Variants in DPY19L3 observed in about 807,000 individuals in gnomAD.
DPY19L3 encodes the protein dpy-19 like C-mannosyltransferase 3, also known as protein C-mannosyl-transferase DPY19L3.
Under a neutral mutation model 92.3 loss-of-function variants are expected in DPY19L3, and 51 were observed. The observed-to-expected ratio is 0.55, with a 90% CI of 0.44 to 0.70. The LOEUF is 0.70. Among genes scored for constraint, DPY19L3 ranks in the 30% least tolerant of loss-of-function variants. DPY19L3 has a pLI of 0.00. For synonymous variants in DPY19L3, 309 were observed against 315.2 expected, an observed-to-expected ratio of 0.98 and a Z score of 0.21; for missense variants, 706 against 855.9, an observed-to-expected ratio of 0.82 and a Z score of 2.18.
intron 17 of DPY19L3, chr19:32,479,595 C>A: frequency 2.3e-6 from 1 of 436,134 alleles, no homozygotes; most frequent in South Asian, 1.6e-5. Flanking sequence ...GACCCTCAAG[C>A]CCAAATCAGA....
At position 32,411,144 on chromosome 19, in the gene DPY19L3, A is replaced by T. The variant is rs2302772; in HGVS notation, c.104-95A>T. 9 of 1,319,238 alleles carry T rather than the reference A, an allele frequency of 6.8e-6. No homozygotes were observed. In the African/African-American group the frequency reaches 8.8e-5, roughly 13 times the overall value. 81.7% of individuals were successfully genotyped at this position (1,319,238 alleles called of 1,614,324 possible). A position where few individuals can be genotyped will look rare whatever the true frequency, so the allele number is the denominator to read the frequency against. On this transcript the variant is annotated intron_variant, in intron 2 of 18. Coordinates refer to ENST00000392250, the MANE Select transcript of DPY19L3 (RefSeq NM_001172774.2). The stretch of plus-strand genomic sequence containing the variant: ...AGGAAAAGCTTTCCCAGTGACAGGC[A>T]GCTAGACTTAGCTTACTTGATAATC...
At chr19:32,435,625 G>T (rs1487490373) in intron 4 of DPY19L3, among the ~76,000 whole-genome samples, 1 of 152,214 alleles carries the variant, frequency 6.6e-6, no homozygotes, top group Admixed American at 6.5e-5. Context: ...AGAGTGTATT[G>T]TAAAACTTTT....
chr19:32,472,701 T>C (rs952963247), intron 16 of DPY19L3, among the ~76,000 whole-genome samples: 1 of 152,214 alleles, frequency 6.6e-6, no homozygotes, highest in Non-Finnish European at 1.5e-5. Context: ...TCATTTTTCG[T>C]TCCTGAAAAT....
At chr19:32,453,011 T>G in intron 8 of DPY19L3, 134 bp from the exon 9 acceptor site, 2 of 1,079,298 alleles carry the variant, frequency 1.9e-6, no homozygotes, top group Non-Finnish European at 2.7e-6. Flanking sequence ...CTGGCCTAGA[T>G]TGTGTTTCTT....
intron 10 of DPY19L3, among the ~76,000 whole-genome samples, chr19:32,457,653 G>A (rs1969908603): frequency 6.6e-6 from 1 of 152,116 alleles, no homozygotes; most frequent in Non-Finnish European, 1.5e-5. Context: ...AATTGTCTTT[G>A]AGTGAATAAG....
At chr19:32,430,363 C>T (rs938835843) in intron 3 of DPY19L3, among the ~76,000 whole-genome samples, 1 of 151,956 alleles carries the variant, frequency 6.6e-6, no homozygotes, top group East Asian at 1.9e-4. Flanking sequence ...GCCTGGGTGA[C>T]AGAGTGAGAC....
chr19:32,441,299 A>G (rs1037957573), intron 8 of DPY19L3, among the ~76,000 whole-genome samples: 3 of 152,228 alleles, frequency 2.0e-5, no homozygotes, highest in African/African-American at 7.2e-5. Context: ...AAATGATGGC[A>G]TATCTATGCA....
chr19:32,452,852 C>A (rs1969747678), intron 8 of DPY19L3, among the ~76,000 whole-genome samples: 1 of 146,194 alleles, frequency 6.8e-6, no homozygotes, highest in African/African-American at 2.5e-5. Context: ...AGCCACCACG[C>A]CTAGCTAATT....
chr19:32,470,801 T>TG (rs11442714), intron 16 of DPY19L3, among the ~76,000 whole-genome samples: 1 of 150,372 alleles, frequency 6.7e-6, no homozygotes, highest in African/African-American at 2.4e-5. Flanking sequence ...TTTTTTTTTT[T>TG]TTGTAATTCT....
At chr19:32,436,296 G>A in intron 4 of DPY19L3, 150 bp from the exon 5 acceptor site, 1 of 394,752 alleles carries the variant, frequency 2.5e-6, no homozygotes, top group Non-Finnish European at 4.3e-6. Flanking sequence ...TAAGCTCTTT[G>A]AGGGCAGGAG....
intron 16 of DPY19L3, among the ~76,000 whole-genome samples, chr19:32,474,311 T>C (rs1298184267): frequency 1.3e-5 from 2 of 152,226 alleles, no homozygotes; most frequent in Non-Finnish European, 2.9e-5. Flanking sequence ...ATGAGCTTCA[T>C]TCCATTTTTT....
chr19:32,458,352 G>A lies in DPY19L3; in HGVS notation c.1165G>A (p.Asp389Asn), dbSNP rs148643513. ...KAKFGLGATRDFDANLYLCEE... is the reference protein window; with the variant it reads ...KAKFGLGATRNFDANLYLCEE... ...CTTTGCTTTCCATTTGTTCCCTAGG[G>A]ATTTTGATGCAAATCTCTATCTGTG... The change falls in exon 12 of 19, where the codon GAT becomes AAT. Residue 389 changes from aspartate (D) to asparagine (N), a missense_variant and splice_region_variant. Transcript: ENST00000392250. 23 of 1,609,770 alleles carry A rather than the reference G, an allele frequency of 1.4e-5. No homozygotes were observed. The highest frequency in any genetic ancestry group is 2.0e-5 in the Non-Finnish European group (23 of 1,179,066).
At chr19:32,427,069 C>T (rs892857275) in intron 3 of DPY19L3, among the ~76,000 whole-genome samples, 3 of 152,178 alleles carry the variant, frequency 2.0e-5, no homozygotes, top group East Asian at 1.9e-4. Context: ...TCTCGGCTCA[C>T]TGTAGCCTCG....
chr19:32,423,791 G>C (rs868623401), intron 3 of DPY19L3, among the ~76,000 whole-genome samples: 4 of 152,122 alleles, frequency 2.6e-5, no homozygotes, highest in African/African-American at 9.7e-5. Flanking sequence ...AAGGCGGCAG[G>C]ATCGCTTGAG....
At chr19:32,408,651 GTC>G (rs1014154517) in intron 2 of DPY19L3, among the ~76,000 whole-genome samples, 3 of 152,158 alleles carry the variant, frequency 2.0e-5, no homozygotes, top group Admixed American at 6.5e-5. Flanking sequence ...CCAGATTTTA[GTC>G]TCTCTCTAAT....
At chr19:32,437,124 C>G in intron 5 of DPY19L3, 70 bp from the exon 6 acceptor site, 2 of 1,579,290 alleles carry the variant, frequency 1.3e-6, no homozygotes, top group Non-Finnish European at 1.7e-6. Context: ...TTCCTACTGT[C>G]ATGTTTTAAA....
At chr19:32,422,023 T>A (rs1441445085) in intron 3 of DPY19L3, among the ~76,000 whole-genome samples, 1 of 152,222 alleles carries the variant, frequency 6.6e-6, no homozygotes, top group East Asian at 1.9e-4. Context: ...CTTGCTGACC[T>A]GAGCTGTGTG....
intron 8 of DPY19L3, among the ~76,000 whole-genome samples, chr19:32,447,695 A>G (rs1161313342): frequency 2.0e-5 from 3 of 151,728 alleles, no homozygotes; most frequent in Non-Finnish European, 4.4e-5. Flanking sequence ...CAGCCTGGGC[A>G]ATGAGAGCGA....
chr19:32,416,428 T>C (rs1015800408), intron 3 of DPY19L3, among the ~76,000 whole-genome samples: 6 of 152,160 alleles, frequency 3.9e-5, no homozygotes, highest in African/African-American at 1.4e-4. Context: ...CACAGCTCTC[T>C]ACAAAAATGC....
Sources: allele counts gnomAD v4.1 joint callset (sites outside exome capture counted in the v4.1 genomes callset), GRCh38; gene constraint gnomAD v4.1.1; transcripts MANE v1.5; gene names NCBI Gene and HGNC (gene_info 2026-07-23, HGNC 2026-07-21).